ATP11A: variants seen among roughly 807,000 people sequenced by gnomAD.
ATP11A encodes the protein phospholipid-transporting ATPase IH.
A neutral mutation model predicts 154.4 loss-of-function variants in ATP11A; 81 were observed. That is an observed-to-expected ratio of 0.52 (90% confidence interval 0.44 to 0.63). The LOEUF (loss-of-function observed/expected upper bound fraction) is 0.63. Ranked by LOEUF, ATP11A falls within the 30% of genes least tolerant of loss-of-function variation. The pLI, the probability that ATP11A is intolerant of heterozygous loss-of-function variation, is 0.00. For synonymous variants in ATP11A, 623 were observed against 585.9 expected, an observed-to-expected ratio of 1.06 and a Z score of -0.91; for missense variants, 1,316 against 1,474.3, an observed-to-expected ratio of 0.89 and a Z score of 1.76.
rs2140460159 is a variant in ATP11A, at chr13:112,883,753, T to G, written c.*1887T>G. ...AGGCGTCCCCAGGGCCACCCTGCCC[T>G]GAGGTCCTTGTGTGGCCGCCCTGGC... On this transcript the variant is annotated 3_prime_UTR_variant, in exon 30 of 30. Coordinates refer to ENST00000375645, the MANE Select transcript of ATP11A (RefSeq NM_015205.3). The G allele has an allele frequency of 6.5e-6, 1 of 152,720 alleles. No individual in the cohort carries two copies. The highest frequency in any genetic ancestry group is 2.4e-5 in the African/African-American group (1 of 41,584). 9.5% of individuals were successfully genotyped at this position (152,720 alleles called of 1,614,324 possible). A position where few individuals can be genotyped will look rare whatever the true frequency, so the allele number is the denominator to read the frequency against.
chr13:112,800,438 C>T (rs1335773811), intron 2 of ATP11A, among the ~76,000 whole-genome samples: 1 of 152,050 alleles, frequency 6.6e-6, no homozygotes, highest in Non-Finnish European at 1.5e-5. Flanking sequence ...TCTACCAAAA[C>T]TCAAACAAGG....
At chr13:112,720,708 C>T (rs1440261488) in intron 1 of ATP11A, among the ~76,000 whole-genome samples, 1 of 152,108 alleles carries the variant, frequency 6.6e-6, no homozygotes, top group Admixed American at 6.6e-5. Context: ...CAGGTGTGCA[C>T]CACCACGCCC....
At chr13:112,881,412 A>C in intron 29 of ATP11A, 1 of 1,040,100 alleles carries the variant, frequency 9.6e-7, no homozygotes, top group Non-Finnish European at 1.2e-6. Context: ...TGGGGCAGTG[A>C]GTTCGCCTTT....
chr13:112,819,483 A>T, intron 7 of ATP11A, 76 bp downstream of exon 7: 1 of 1,268,930 alleles, frequency 7.9e-7, no homozygotes, highest in Non-Finnish European at 1.1e-6. Context: ...CACCCCAAGT[A>T]GTCCAGCCAT....
At chr13:112,844,790 CCGGG>C (rs2079529911) in intron 17 of ATP11A, among the ~76,000 whole-genome samples, 1 of 150,202 alleles carries the variant, frequency 6.7e-6, no homozygotes, top group African/African-American at 2.5e-5. Flanking sequence ...AGTCCAGTTG[CCGGG>C]TGTTAGTGGT....
intron 1 of ATP11A, among the ~76,000 whole-genome samples, chr13:112,781,494 C>T (rs761472940): frequency 2.0e-5 from 3 of 152,142 alleles, no homozygotes; most frequent in Non-Finnish European, 4.4e-5. Context: ...GGGAGGACCA[C>T]GAAGGTTGGG....
At chr13:112,800,361 A>G (rs77556283) in intron 2 of ATP11A, among the ~76,000 whole-genome samples, 2,704 of 152,312 alleles carry the variant, frequency 0.018, 82 homozygotes, top group African/African-American at 0.063. Flanking sequence ...AAGGAATATC[A>G]TGAACAGCCC....
At chr13:112,834,797 C>T (rs991753326) in intron 15 of ATP11A, 137 bp downstream of exon 15, 1 of 659,786 alleles carries the variant, frequency 1.5e-6, no homozygotes. Context: ...CAGTGACACC[C>T]CAGGAATGTC....
chr13:112,732,374 GTC>G (rs567933073), intron 1 of ATP11A, among the ~76,000 whole-genome samples: 28 of 152,210 alleles, frequency 1.8e-4, no homozygotes, highest in African/African-American at 5.8e-4. Context: ...GGGCCAGTGA[GTC>G]TCTCTCTCCC....
At position 112,842,256 on chromosome 13, in the gene ATP11A, T is replaced by C; in HGVS notation, c.1706-20T>C. 2 of 1,566,416 alleles carry C rather than the reference T, an allele frequency of 1.3e-6. No homozygotes were observed. The highest frequency in any genetic ancestry group is 4.5e-5 in the East Asian group (2 of 44,344). On this transcript the variant is annotated intron_variant, in intron 16 of 29. Coordinates refer to ENST00000375645, the MANE Select transcript of ATP11A (RefSeq NM_015205.3). ...CTTCCCCATATTGTGATTAAACTCC[T>C]CATTTTTCTCATTTTGTAGGAGAAA...
intron 25 of ATP11A, among the ~76,000 whole-genome samples, chr13:112,863,570 G>A (rs1339923656): frequency 8.0e-6 from 1 of 125,468 alleles, no homozygotes; most frequent in Admixed American, 8.2e-5. Flanking sequence ...TCACCACATG[G>A]GCAGTAATTC....
chr13:112,770,345 A>G (rs1163493792), intron 1 of ATP11A, among the ~76,000 whole-genome samples: 1 of 152,212 alleles, frequency 6.6e-6, no homozygotes, highest in Non-Finnish European at 1.5e-5. Context: ...TGCAAAAAAT[A>G]TCTTCATGGC....
chr13:112,819,344 A>G lies in ATP11A; in HGVS notation c.611A>G (p.Glu204Gly), dbSNP rs575639303. Reference protein sequence around the residue: ...AVQDTKGFHTEEDIGGLHATI... With the variant: ...AVQDTKGFHTGEDIGGLHATI... ...CAGGACACCAAAGGCTTCCACACAGAGGAGGATATCGGCGGACTTCACGCC... is the reference window on the plus strand; with the variant it reads ...CAGGACACCAAAGGCTTCCACACAGGGGAGGATATCGGCGGACTTCACGCC... The change falls in exon 7 of 30, where the codon GAG becomes GGG. Residue 204 changes from glutamate (E) to glycine (G), a missense_variant. Glu to Gly is a moderately conservative substitution (Grantham distance 98). This residue lies in a region of ATP11A where 876 missense variants were observed against 1,006.8 expected (regional missense o/e 0.87). Transcript: ENST00000375645. The G allele has an allele frequency of 6.8e-6, 11 of 1,614,204 alleles. No homozygotes were observed. Among genetic ancestry groups the G allele is most frequent in the Admixed American group, 3.3e-5 (2 of 60,026 alleles).
At chr13:112,817,244 G>A (rs7335537) in intron 6 of ATP11A, among the ~76,000 whole-genome samples, 4,590 of 152,266 alleles carry the variant, frequency 0.03, 219 homozygotes, top group African/African-American at 0.1. Flanking sequence ...ATGGTATTTA[G>A]GTAATACGTA....
At chr13:112,864,780 A>G (rs9603973) in intron 25 of ATP11A, among the ~76,000 whole-genome samples, 2,363 of 58,544 alleles carry the variant, frequency 0.04, 911 homozygotes, top group African/African-American at 0.4. Context: ...AGTGCGGCCC[A>G]TGCAGCTTCT....
chr13:112,742,502 TA>T (rs1891670827), intron 1 of ATP11A, among the ~76,000 whole-genome samples: 1 of 152,120 alleles, frequency 6.6e-6, no homozygotes, highest in African/African-American at 2.4e-5. Flanking sequence ...GGATGTTCAT[TA>T]GCATTAATTT....
intron 17 of ATP11A, among the ~76,000 whole-genome samples, chr13:112,845,916 A>T (rs1246652962): frequency 1.3e-5 from 2 of 152,178 alleles, no homozygotes; most frequent in African/African-American, 4.8e-5. Context: ...CTTTCTACGG[A>T]TGGACCAGTT....
Position 112,832,338 on chromosome 13 carries a change from C to T in ATP11A, c.1396-522C>T, listed in dbSNP as rs141414056. 5.1e-3 allele frequency among the ~76,000 whole-genome samples: 772 copies of T among 152,308 alleles called. 7 individuals carry two copies. Among genetic ancestry groups the T allele is most frequent in the Middle Eastern group, 0.017 (5 of 294 alleles). On this transcript the variant is annotated intron_variant, in intron 13 of 29. Coordinates refer to ENST00000375645, the MANE Select transcript of ATP11A (RefSeq NM_015205.3). The stretch of plus-strand genomic sequence containing the variant: ...TAAACGCTGATTCTGCAGCTGCAGG[C>T]GCAGGATAATAGCTCCAACTTCTTA...
chr13:112,817,625 C>T lies in ATP11A; in HGVS notation c.570+1414C>T, dbSNP rs566184939. 2.0e-5 allele frequency among the ~76,000 whole-genome samples: 3 copies of T among 152,350 alleles called. No individual in the cohort carries two copies. In the South Asian group the frequency reaches 6.2e-4, roughly 32 times the overall value. ...TCGCTGCCTTTACACCCCTTCCCTG[C>T]AGACTGTGGCTGGTCAGGCTCAGAT... On this transcript the variant is annotated intron_variant, in intron 6 of 29. Coordinates refer to ENST00000375645, the MANE Select transcript of ATP11A (RefSeq NM_015205.3).
Sources: gnomAD v4.1 joint callset for allele counts (sites outside exome capture counted in the v4.1 genomes callset) on GRCh38, gnomAD v4.1.1 for gene constraint, gnomAD v4.1.1 regional missense constraint, MANE v1.5 for transcripts, NCBI Gene and HGNC (gene_info 2026-07-23, HGNC 2026-07-21) for gene names.